The following RARA variants were observed in gnomAD, a reference collection of about 807,000 sequenced individuals.
RARA encodes retinoic acid receptor alpha, also known as PML-DDX5-RARA fusion.
RARA carries 5 observed loss-of-function variants against 42.8 expected under a neutral mutation model. That is an observed-to-expected ratio of 0.12 (90% CI 0.06 to 0.25). RARA has a LOEUF of 0.25. RARA is among the 10% of genes least tolerant of loss of function. The pLI is 1.00. For synonymous variants in RARA, 256 were observed against 259.5 expected, an observed-to-expected ratio of 0.99 and a Z score of 0.13; for missense variants, 402 against 628.7, an observed-to-expected ratio of 0.64 and a Z score of 3.86.
rs1456615899 is a variant in RARA at position 40,357,318 on chromosome 17, A to C, written c.*1092A>C. 1.4e-5 allele frequency: 3 copies of C among 218,366 alleles called. No individual in the cohort carries two copies. Among genetic ancestry groups the C allele is most frequent in the African/African-American group, 7.2e-5 (3 of 41,648 alleles). 13.5% of individuals were successfully genotyped at this position (218,366 alleles called of 1,614,324 possible). A position where few individuals can be genotyped will look rare whatever the true frequency, so the allele number is the denominator to read the frequency against. On this transcript the variant is annotated 3_prime_UTR_variant, in exon 9 of 9. Coordinates refer to ENST00000254066, the MANE Select transcript of RARA (RefSeq NM_000964.4). ...CACCCCCATAGGGCCCCCAGACACC[A>C]CACACATGCGCGTGCGCACACACAC...
Position 40,348,298 on chromosome 17 carries a change from C to T in RARA, c.179-18C>T. On this transcript the variant is annotated intron_variant, in intron 2 of 8. Coordinates refer to ENST00000254066, the MANE Select transcript of RARA (RefSeq NM_000964.4). ...GCGACCTAGGTCTCTAACTGCCCCT[C>T]CCCTCTTCTCTCTCTAGCCATTGAG... 1.3e-6 allele frequency: 2 copies of T among 1,550,918 alleles called. No homozygotes were observed. Among genetic ancestry groups the T allele is most frequent in the Non-Finnish European group, 1.7e-6 (2 of 1,148,774 alleles).
chr17:40,356,467 T>C lies in RARA; in HGVS notation c.*241T>C, dbSNP rs910877927. On this transcript the variant is annotated 3_prime_UTR_variant, in exon 9 of 9. Transcript: ENST00000254066. The stretch of plus-strand genomic sequence containing the variant: ...TCAGAGGCCGAGGCCAGGAACTGAG[T>C]GAGGCCCCTGGTCCTGGGTCTCAGG... 1.1e-4 allele frequency: 77 copies of C among 696,592 alleles called. No individual in the cohort carries two copies. The highest frequency in any genetic ancestry group is 1.8e-4 in the Non-Finnish European group (68 of 382,454). 43.2% of individuals were successfully genotyped at this position (696,592 alleles called of 1,614,324 possible).
chr17:40,341,608 G>A (rs1014563261), intron 2 of RARA: 4 of 1,356,464 alleles, frequency 2.9e-6, no homozygotes, highest in Admixed American at 4.1e-5. Context: ...GTGATGTCAC[G>A]GGCAGCGGTG....
rs374838610 is a variant in RARA, at chr17:40,355,994, C to A, written c.1172-15C>A. 2.3e-5 allele frequency: 36 copies of A among 1,586,882 alleles called. No individual in the cohort carries two copies. In the East Asian group the frequency reaches 8.0e-4, roughly 35 times the overall value. ...TGGCCCAGCGTGCTGACCTCTGCCCCCTCCTTTCCTGCAGGGGCTGAGCGG... is the reference window on the plus strand; with the variant it reads ...TGGCCCAGCGTGCTGACCTCTGCCCACTCCTTTCCTGCAGGGGCTGAGCGG... On this transcript the variant is annotated splice_polypyrimidine_tract_variant and intron_variant, in intron 8 of 8. Transcript: ENST00000254066. The surrounding 1 kb of genome is among the most constrained non-coding windows in gnomAD (Gnocchi z 4.1).
chr17:40,340,540 A>G (rs1683472871), intron 2 of RARA, among the ~76,000 whole-genome samples: 2 of 152,196 alleles, frequency 1.3e-5, no homozygotes, highest in South Asian at 4.1e-4. Flanking sequence ...GGGCCTTTGC[A>G]CAGACTCGCC....
Position 40,356,792 on chromosome 17 carries a change from GCA to G in RARA, c.*569_*570del, listed in dbSNP as rs1438825362. The G allele has an allele frequency of 2.1e-6, 1 of 475,436 alleles. No homozygotes were observed. Among genetic ancestry groups the G allele is most frequent in the Admixed American group, 2.6e-5 (1 of 38,302 alleles). The allele number at this position is 475,436 out of a possible 1,614,324, so 29.5% of individuals were successfully genotyped here. A position where few individuals can be genotyped will look rare whatever the true frequency, so the allele number is the denominator to read the frequency against. Reference sequence around the variant, plus strand: ...TTTTTAATAAGAATTTTCATTTTAAGCACATTTATACTGAAGGAATTTGTGCT... The same window carrying G: ...TTTTTAATAAGAATTTTCATTTTAAGCATTTATACTGAAGGAATTTGTGCT... On this transcript the variant is annotated 3_prime_UTR_variant, in exon 9 of 9. Coordinates refer to ENST00000254066, the MANE Select transcript of RARA (RefSeq NM_000964.4).
intron 1 of RARA, among the ~76,000 whole-genome samples, chr17:40,311,218 G>A (rs2033089186): frequency 1.3e-5 from 2 of 152,106 alleles, no homozygotes; most frequent in Non-Finnish European, 2.9e-5. Context: ...GCTAAGAGCA[G>A]GCAGGAGGGA....
At position 40,345,204 on chromosome 17, in the gene RARA, G is replaced by C. The variant is rs1032102870; in HGVS notation, c.179-3112G>C. On this transcript the variant is annotated intron_variant, in intron 2 of 8. Transcript: ENST00000254066. The surrounding 1 kb of genome is among the most constrained non-coding windows in gnomAD (Gnocchi z 4.8). ...AAGAATGTGAAGCACGTGGATGCCC[G>C]TAGTTGGGGGAGGGGGAGACGCTTA... 1 of 153,832 alleles carries C rather than the reference G, an allele frequency of 6.5e-6. No individual in the cohort carries two copies. The highest frequency in any genetic ancestry group is 1.5e-5 in the Non-Finnish European group (1 of 68,114). The allele number at this position is 153,832 out of a possible 1,614,324, so 9.5% of individuals were successfully genotyped here.
chr17:40,341,735 G>T, intron 2 of RARA: 1 of 1,296,632 alleles, frequency 7.7e-7, no homozygotes, highest in Non-Finnish European at 9.8e-7. Context: ...GAGGACACCG[G>T]GACCACCCCC....
chr17:40,334,458 A>G (rs1380776344), intron 2 of RARA, among the ~76,000 whole-genome samples: 1 of 152,148 alleles, frequency 6.6e-6, no homozygotes, highest in African/African-American at 2.4e-5. Flanking sequence ...GGTCTGAGGG[A>G]GCCTGGCATC....
chr17:40,343,261 G>C (rs1416401733), intron 2 of RARA: 2 of 161,762 alleles, frequency 1.2e-5, no homozygotes, highest in Non-Finnish European at 2.7e-5. Flanking sequence ...GTCTGCTCCC[G>C]GGGGAAGGCC....
intron 2 of RARA, among the ~76,000 whole-genome samples, chr17:40,332,859 G>A (rs1262870573): frequency 6.6e-6 from 1 of 152,162 alleles, no homozygotes; most frequent in Non-Finnish European, 1.5e-5. Context: ...TCTGATTCTG[G>A]TCTGGTCCTA....
intron 1 of RARA, among the ~76,000 whole-genome samples, chr17:40,319,254 C>T (rs1267787854): frequency 6.6e-6 from 1 of 152,136 alleles, no homozygotes; most frequent in African/African-American, 2.4e-5. Context: ...CAGGCTGCTC[C>T]TTGCGAAAGG....
At chr17:40,342,577 G>C (rs2034104106) in intron 2 of RARA, 2 of 1,390,870 alleles carry the variant, frequency 1.4e-6, no homozygotes, top group South Asian at 3.1e-5. Context: ...CCCCTGCCCG[G>C]GTCACCAGTC....
intron 1 of RARA, among the ~76,000 whole-genome samples, chr17:40,317,102 C>A (rs1303840944): frequency 6.6e-6 from 1 of 152,260 alleles, no homozygotes; most frequent in Non-Finnish European, 1.5e-5. Context: ...CTTGGACTCT[C>A]TTTCCTTGTT....
chr17:40,348,956 G>C (rs2034358047), intron 3 of RARA: 1 of 157,760 alleles, frequency 6.3e-6, no homozygotes, highest in Non-Finnish European at 1.4e-5. Flanking sequence ...TAGGTGCCAG[G>C]GTGCAGGTAT....
chr17:40,327,064 G>A lies in RARA; in HGVS notation c.-362-3793G>A, dbSNP rs943367225. ...TTAGGCTTTTTGGAGGCTCTGATAG[G>A]GGTCTGGGGAGGCCTTCCAGCCTTG... On this transcript the variant is annotated intron_variant, in intron 1 of 8. Transcript: ENST00000254066. Among the ~76,000 whole-genome samples the A allele has an allele frequency of 2.6e-5, 4 of 152,298 alleles. No individual in the cohort carries two copies. In the South Asian group the frequency reaches 8.3e-4, roughly 32 times the overall value.
intron 1 of RARA, among the ~76,000 whole-genome samples, chr17:40,317,010 T>TA (rs1300780344): frequency 1.3e-5 from 2 of 152,250 alleles, no homozygotes; most frequent in Non-Finnish European, 2.9e-5. Flanking sequence ...GCTCTTGGGC[T>TA]AAAGCCAGGG....
chr17:40,340,503 A>G (rs1328434174), intron 2 of RARA, among the ~76,000 whole-genome samples: 16 of 152,128 alleles, frequency 1.1e-4, no homozygotes, highest in Admixed American at 9.8e-4. Flanking sequence ...AGTTCCTTCA[A>G]TGAACTCATC....
Sources: gnomAD v4.1 joint callset for allele counts (sites outside exome capture counted in the v4.1 genomes callset) on GRCh38, gnomAD v4.1.1 for gene constraint, Gnocchi (gnomAD v3.1) non-coding constraint, MANE v1.5 for transcripts, NCBI Gene and HGNC (gene_info 2026-07-23, HGNC 2026-07-21) for gene names.